The following DOCK10 variants were observed in gnomAD, a reference collection of about 807,000 sequenced individuals.
The protein encoded by DOCK10 is dedicator of cytokinesis 10.
A neutral mutation model predicts 280.1 loss-of-function variants in DOCK10; 145 were observed. The observed-to-expected ratio is 0.52, with a 90% CI of 0.45 to 0.59. The LOEUF is 0.59. Among genes scored for constraint, DOCK10 ranks in the 20% least tolerant of loss-of-function variants. The pLI is 0.00. For missense variants in DOCK10, 2,368 were observed against 2,651.7 expected, an observed-to-expected ratio of 0.89 and a Z score of 2.35; for synonymous variants, 915 against 942.2, an observed-to-expected ratio of 0.97 and a Z score of 0.53.
In DOCK10 at chr2:224,916,688, C is replaced by T; in HGVS notation, c.333+7G>A. The T allele has an allele frequency of 6.3e-7, 1 of 1,598,830 alleles. No individual in the cohort carries two copies. Among genetic ancestry groups the T allele is most frequent in the African/African-American group, 1.3e-5 (1 of 74,788 alleles). On this transcript the variant is annotated splice_region_variant and intron_variant, in intron 3 of 55. Coordinates refer to ENST00000258390, the MANE Select transcript of DOCK10 (RefSeq NM_014689.3). ...TTAAAATAAAGCATTGGAAGCATCA[C>T]ATTTACCTCCTTAACCAGTAAATTT...
chr2:224,943,707 G>GAAT (rs1703222950), intron 1 of DOCK10, among the ~76,000 whole-genome samples: 1 of 150,298 alleles, frequency 6.7e-6, no homozygotes, highest in Non-Finnish European at 1.5e-5. Context: ...CTATTCAAAT[G>GAAT]AATAGGCTCT....
At chr2:224,775,598 C>T (rs1690793825) in intron 51 of DOCK10, among the ~76,000 whole-genome samples, 1 of 152,106 alleles carries the variant, frequency 6.6e-6, no homozygotes, top group South Asian at 2.1e-4. Flanking sequence ...GCCTCAGCTT[C>T]TCTAGTAGCT....
rs1207485389 is a variant in DOCK10, at chr2:224,931,609, T to C, written c.183A>G (p.Glu61=). 6.8e-6 allele frequency: 11 copies of C among 1,611,744 alleles called. No homozygotes were observed. The African/African-American group carries it at 1.2e-4, about 18-fold the overall frequency. ...GAAGAGGATCATTCCGGTAGGTCTT[T>C]TCAAGTTCTTCAATGACAGTCTCAT... ...LDYETVIEEL[E]KTYRNDPLQD... Residue 61 remains glutamate (E), a synonymous_variant, in exon 2 of 56, where the codon GAA becomes GAG. Coordinates refer to ENST00000258390, the MANE Select transcript of DOCK10 (RefSeq NM_014689.3).
intron 2 of DOCK10, among the ~76,000 whole-genome samples, chr2:224,921,888 T>C (rs1701772851): frequency 4.0e-5 from 6 of 151,756 alleles, no homozygotes; most frequent in Admixed American, 3.3e-4. Flanking sequence ...TCACCTGAGG[T>C]TGGGAGTGTG....
rs1323910530 is a variant in DOCK10, at chr2:224,800,241, G to A, written c.4416C>T (p.Ile1472=). 12 of 1,609,960 alleles carry A rather than the reference G, an allele frequency of 7.5e-6. No homozygotes were observed. The highest frequency in any genetic ancestry group is 8.5e-6 in the Non-Finnish European group (10 of 1,177,450). The part of the protein sequence containing the change: ...TMTSNSNEID[I]VHHVDTEANI... The stretch of plus-strand genomic sequence containing the variant: ...TGGCCTCAGTGTCTACATGATGCAC[G>A]ATGTCTATTTCATTGGAGTTGCCTA... The change falls in exon 41 of 56, where the codon ATC becomes ATT. Residue 1472 remains isoleucine (I), a synonymous_variant. Transcript: ENST00000258390.
chr2:224,973,482 A>C (rs974954970), intron 1 of DOCK10, among the ~76,000 whole-genome samples: 4 of 152,254 alleles, frequency 2.6e-5, no homozygotes, highest in African/African-American at 9.6e-5. Context: ...CTGGCTTTGA[A>C]GATGAACCAG....
chr2:224,793,288 A>G (rs1692332249), intron 46 of DOCK10, 112 bp downstream of exon 46: 1 of 923,862 alleles, frequency 1.1e-6, no homozygotes, highest in Admixed American at 2.5e-5. Context: ...TGTGAAAGCG[A>G]TTATTACTTA....
chr2:225,042,202 C>T lies in DOCK10; in HGVS notation c.123+50G>A. On this transcript the variant is annotated intron_variant, in intron 1 of 55. Coordinates refer to ENST00000258390, the MANE Select transcript of DOCK10 (RefSeq NM_014689.3). This position sits in a 1 kb window ranked among gnomAD's most constrained non-coding sequence, Gnocchi z 5.1. The stretch of plus-strand genomic sequence containing the variant: ...TTTGGGGAAGCTGGGCTCCGTTCCC[C>T]CCGGGCGCCTGGGGCGCGCGGGAAG... 8.1e-7 allele frequency: 1 copy of T among 1,230,708 alleles called. No individual in the cohort carries two copies. The highest frequency in any genetic ancestry group is 1.0e-6 in the Non-Finnish European group (1 of 987,076). 76.2% of individuals were successfully genotyped at this position (1,230,708 alleles called of 1,614,324 possible).
chr2:224,942,249 GT>G (rs1405600973), intron 1 of DOCK10, among the ~76,000 whole-genome samples: 1 of 152,228 alleles, frequency 6.6e-6, no homozygotes, highest in Non-Finnish European at 1.5e-5. Flanking sequence ...TGAGCTAACT[GT>G]TCAGTGTTGC....
intron 2 of DOCK10, among the ~76,000 whole-genome samples, chr2:224,922,470 G>A (rs1030878198): frequency 6.6e-6 from 1 of 152,166 alleles, no homozygotes; most frequent in African/African-American, 2.4e-5. Context: ...CTCCTTTGGT[G>A]GTAGGATTTC....
chr2:224,957,626 G>A (rs1290537944), intron 1 of DOCK10, among the ~76,000 whole-genome samples: 1 of 152,078 alleles, frequency 6.6e-6, no homozygotes, highest in Non-Finnish European at 1.5e-5. Flanking sequence ...GGATCTCCTG[G>A]CAGATGGTGG....
chr2:224,856,592 A>T (rs1023695223), intron 15 of DOCK10, among the ~76,000 whole-genome samples: 1 of 152,216 alleles, frequency 6.6e-6, no homozygotes, highest in Admixed American at 6.5e-5. Flanking sequence ...TTACTATAGC[A>T]GTGTTGTTAT....
intron 1 of DOCK10, among the ~76,000 whole-genome samples, chr2:224,932,631 AC>A (rs1702456738): frequency 6.6e-6 from 1 of 152,148 alleles, no homozygotes; most frequent in Non-Finnish European, 1.5e-5. Context: ...CAAAATTTGA[AC>A]GCTAAAGTGA....
intron 2 of DOCK10, among the ~76,000 whole-genome samples, chr2:224,927,938 G>A (rs530350531): frequency 1.2e-4 from 19 of 152,258 alleles, no homozygotes; most frequent in African/African-American, 4.6e-4. Context: ...GCTTGGAGCG[G>A]CCCCTCTCCT....
At chr2:224,794,082 GT>G (rs1328659035) in intron 45 of DOCK10, among the ~76,000 whole-genome samples, 1 of 152,174 alleles carries the variant, frequency 6.6e-6, no homozygotes, top group Non-Finnish European at 1.5e-5. Context: ...TCCTTTTGAG[GT>G]TTTATGGAGA....
At chr2:224,851,458 T>A (rs68073247) in intron 18 of DOCK10, among the ~76,000 whole-genome samples, 3,929 of 139,366 alleles carry the variant, frequency 0.028, 99 homozygotes, top group African/African-American at 0.063. Flanking sequence ...TTTTTTTTTT[T>A]AAAAAAAAAA....
chr2:225,019,786 G>A lies in DOCK10; in HGVS notation c.123+22466C>T, dbSNP rs141736192. Among the ~76,000 whole-genome samples the A allele has an allele frequency of 3.7e-3, 561 of 152,108 alleles. 6 individuals are homozygous for A. Among genetic ancestry groups the A allele is most frequent in the African/African-American group, 0.013 (527 of 41,488 alleles). On this transcript the variant is annotated intron_variant, in intron 1 of 55. Coordinates refer to ENST00000258390, the MANE Select transcript of DOCK10 (RefSeq NM_014689.3). ...AAAAGATTGGGAGTTTTTAATGTTCGGTTCTCATTATACAAAGCATGGTCT... is the reference window on the plus strand; with the variant it reads ...AAAAGATTGGGAGTTTTTAATGTTCAGTTCTCATTATACAAAGCATGGTCT...
intron 28 of DOCK10, among the ~76,000 whole-genome samples, chr2:224,823,135 G>A (rs573997014): frequency 2.0e-5 from 3 of 151,080 alleles, no homozygotes; most frequent in Non-Finnish European, 4.4e-5. Flanking sequence ...CTACAGGCAC[G>A]CACCACCACG....
At chr2:224,836,599 GA>G (rs888934319) in intron 25 of DOCK10, among the ~76,000 whole-genome samples, 2 of 151,516 alleles carry the variant, frequency 1.3e-5, no homozygotes, top group African/African-American at 4.9e-5. Flanking sequence ...TGGGAGTGTG[GA>G]ATTTTTTTTT....
Sources: gnomAD v4.1 joint callset for allele counts (sites outside exome capture counted in the v4.1 genomes callset) on GRCh38, gnomAD v4.1.1 for gene constraint, Gnocchi (gnomAD v3.1) non-coding constraint, MANE v1.5 for transcripts, NCBI Gene and HGNC (gene_info 2026-07-23, HGNC 2026-07-21) for gene names.